PCID2: variants seen among roughly 807,000 people sequenced by gnomAD.
PCID2 encodes the protein PCI domain containing 2.
In PCID2, 41 loss-of-function variants were observed where a neutral mutation model predicts 61.3. The ratio of observed to expected loss-of-function variants is 0.67; its 90% CI spans 0.52 to 0.87. PCID2 has a LOEUF of 0.87. Among genes scored for constraint, PCID2 ranks in the 40% least tolerant of loss-of-function variants. PCID2 has a pLI of 0.00. For synonymous variants in PCID2, 187 were observed against 177.8 expected (o/e 1.05, Z -0.41); for missense variants, 392 against 493.4 (o/e 0.79, Z 1.95).
At chr13:113,187,017 G>C (rs1310665711) in intron 7 of PCID2, 9 of 152,190 alleles carry the variant, frequency 5.9e-5, no homozygotes, top group Non-Finnish European at 1.3e-4. Context: ...TTTTATAACT[G>C]CCTGTGAGCT....
rs778881330 is a variant in PCID2, at chr13:113,180,225, T to C, written c.793A>G (p.Met265Val). The stretch of plus-strand genomic sequence containing the variant: ...TTTTTCAGGAGCTCCACAGTGGGCA[T>C]GTGACCCTAAGAGTCAATTTTCCAG... ...LLPVKMLLGH[M>V]PTVELLKKYH... is the part of the protein sequence containing the mutation. Residue 265 changes from methionine (M) to valine (V), a missense_variant, in exon 11 of 14, where the codon ATG (methionine) becomes GTG (valine). Physicochemically the swap from Met to Val is conservative, Grantham distance 21 (BLOSUM62 1). Transcript: ENST00000337344. The C allele has an allele frequency of 1.9e-6, 3 of 1,612,266 alleles. No individual in the cohort carries two copies. The highest frequency in any genetic ancestry group is 1.7e-5 in the Admixed American group (1 of 60,022).
intron 6 of PCID2, among the ~76,000 whole-genome samples, chr13:113,194,623 G>A (rs910099817): frequency 1.3e-5 from 2 of 152,134 alleles, no homozygotes; most frequent in East Asian, 1.9e-4. Flanking sequence ...GGGGACTTCC[G>A]TGGGTCCCCA....
At chr13:113,189,114 T>TTCCCAG (rs2038379939) in intron 7 of PCID2, among the ~76,000 whole-genome samples, 1 of 152,056 alleles carries the variant, frequency 6.6e-6, no homozygotes, top group Non-Finnish European at 1.5e-5. Flanking sequence ...CCTGTGAGCG[T>TTCCCAG]TCCCAGACAG....
In PCID2 at chr13:113,200,517, C is replaced by G. The variant is rs1329030371; in HGVS notation, c.37-1G>C. On this transcript the variant is annotated splice_acceptor_variant, in intron 1 of 13. Transcript: ENST00000337344. LOFTEE classifies it high-confidence loss of function. ...CTCTGCTGTCGATGGCTTCGTACAC[C>G]TGAAACATTTGAAAGGGAAACCTAA... 11 of 1,603,694 alleles carry G rather than the reference C, an allele frequency of 6.9e-6. No individual in the cohort carries two copies. Among genetic ancestry groups the G allele is most frequent in the Admixed American group, 1.7e-5 (1 of 60,000 alleles).
chr13:113,176,971 C>T (rs1328206585), downstream of PCID2, among the ~76,000 whole-genome samples: 3 of 152,178 alleles, frequency 2.0e-5, no homozygotes, highest in African/African-American at 7.2e-5. Flanking sequence ...GTGATGGCAG[C>T]CCCAACAGCC....
chr13:113,200,062 G>A (rs2039301483), intron 2 of PCID2, among the ~76,000 whole-genome samples: 1 of 152,192 alleles, frequency 6.6e-6, no homozygotes, highest in African/African-American at 2.4e-5. Context: ...TGGCTTGCCA[G>A]CCTTTCTGAC....
chr13:113,179,099 GGGA>G lies in PCID2; in HGVS notation c.987-13_987-11del, dbSNP rs772224888. On this transcript the variant is annotated splice_polypyrimidine_tract_variant and intron_variant, in intron 12 of 13. Transcript: ENST00000337344. This position sits in a 1 kb window ranked among gnomAD's most constrained non-coding sequence, Gnocchi z 4.3. Reference sequence around the variant, plus strand: ...TTTCAGTAACAAATACCTGGAAGAGGGGAGGAGAAGGGCACTGTGGTTACCGAC... The same window carrying G: ...TTTCAGTAACAAATACCTGGAAGAGGGGAGAAGGGCACTGTGGTTACCGAC... 1.5e-5 allele frequency: 24 copies of G among 1,611,770 alleles called. No homozygotes were observed. Among genetic ancestry groups the G allele is most frequent in the Admixed American group, 3.3e-5 (2 of 59,720 alleles).
chr13:113,178,492 G>A, intron 13 of PCID2: 1 of 493,464 alleles, frequency 2.0e-6, no homozygotes, highest in South Asian at 2.1e-5. Context: ...AACCAACTGT[G>A]GACTGAAAAT....
At chr13:113,172,069 C>T in the PCID2 span, 1 of 1,613,028 alleles carries the variant, frequency 6.2e-7, no homozygotes. Context: ...CCAAGGTCTC[C>T]AGGTACTCAC....
At chr13:113,167,105 A>G in the PCID2 span, among the ~76,000 whole-genome samples, 1 of 152,202 alleles carries the variant, frequency 6.6e-6, no homozygotes, top group Non-Finnish European at 1.5e-5. Context: ...TAATTAAGTG[A>G]CCTAGCAGGA....
At chr13:113,180,442 C>G (rs1207238061) in intron 10 of PCID2, among the ~76,000 whole-genome samples, 1 of 152,214 alleles carries the variant, frequency 6.6e-6, no homozygotes, top group African/African-American at 2.4e-5. Context: ...CATTCCATGA[C>G]ACGTGACCTT....
chr13:113,180,348 G>T (rs2037521980), intron 10 of PCID2, 117 bp from the exon 11 acceptor site: 5 of 755,664 alleles, frequency 6.6e-6, no homozygotes, highest in Admixed American at 6.1e-5. Flanking sequence ...TTCTTAGAAT[G>T]TCCATGGATT....
chr13:113,200,883 A>G (rs112726824), intron 1 of PCID2, among the ~76,000 whole-genome samples: 17 of 152,060 alleles, frequency 1.1e-4, no homozygotes, highest in African/African-American at 4.1e-4. Flanking sequence ...GTTCGAGACC[A>G]TCCTGGACAA....
At chr13:113,195,469 G>C (rs975084029) in intron 5 of PCID2, among the ~76,000 whole-genome samples, 1 of 152,184 alleles carries the variant, frequency 6.6e-6, no homozygotes, top group African/African-American at 2.4e-5. Context: ...GGTTTGATCA[G>C]ATTTCCTAAC....
chr13:113,176,521 G>T (rs2037189994), downstream of PCID2, among the ~76,000 whole-genome samples: 1 of 152,292 alleles, frequency 6.6e-6, no homozygotes, highest in Non-Finnish European at 1.5e-5. Context: ...CAGCACTTTG[G>T]GAGGCCGAGG....
At position 113,184,401 on chromosome 13, in the gene PCID2, T is replaced by C. The variant is rs886468565; in HGVS notation, c.630A>G (p.Val210=). ...LKDDYSTAQR[V]TYKYYVGRKA... ...TGCGTCCAACGTAGTATTTGTATGTTACTCTCTGTGCAGTGCTGTAATCGT... is the reference window on the plus strand; with the variant it reads ...TGCGTCCAACGTAGTATTTGTATGTCACTCTCTGTGCAGTGCTGTAATCGT... The change falls in exon 9 of 14, where the codon GTA becomes GTG. Residue 210 remains valine (V), a synonymous_variant. Transcript: ENST00000337344. 6.2e-7 allele frequency: 1 copy of C among 1,612,094 alleles called. No individual in the cohort carries two copies. The highest frequency in any genetic ancestry group is 8.5e-7 in the Non-Finnish European group (1 of 1,178,088).
At chr13:113,208,353 C>G in intron 1 of PCID2, 2 of 1,433,134 alleles carry the variant, frequency 1.4e-6, no homozygotes, top group African/African-American at 2.9e-5. Flanking sequence ...CTACTTACAC[C>G]GCGACGACTC....
chr13:113,186,958 GAAACACTTA>G (rs2038171118), intron 7 of PCID2: 1 of 152,154 alleles, frequency 6.6e-6, no homozygotes, highest in African/African-American at 2.4e-5. Flanking sequence ...TGTCCATATA[GAAACACTTA>G]AAATAATGTA....
At chr13:113,203,005 C>A (rs1036869803) in intron 1 of PCID2, among the ~76,000 whole-genome samples, 3 of 152,296 alleles carry the variant, frequency 2.0e-5, no homozygotes, top group Admixed American at 2.0e-4. Context: ...CAAAAAAAAT[C>A]CTGAATTTCA....
Sources: allele counts gnomAD v4.1 joint callset (sites outside exome capture counted in the v4.1 genomes callset), GRCh38; gene constraint gnomAD v4.1.1; non-coding constraint Gnocchi (gnomAD v3.1); transcripts MANE v1.5; gene names NCBI Gene and HGNC (gene_info 2026-07-23, HGNC 2026-07-21).